The following LRP1 variants were observed in gnomAD, a reference collection of about 807,000 sequenced individuals.
LRP1 encodes prolow-density lipoprotein receptor-related protein 1.
Under a neutral mutation model 541.5 loss-of-function variants are expected in LRP1, and 51 were observed. The observed-to-expected ratio is 0.09, with a 90% CI of 0.08 to 0.12. The LOEUF is 0.12. Among genes scored for constraint, LRP1 ranks in the 10% least tolerant of loss-of-function variants. LRP1 has a pLI of 1.00. For synonymous variants in LRP1, 2,219 were observed against 2,470.8 expected (o/e 0.90, Z 3.02); for missense variants, 3,878 against 6,376.2 (o/e 0.61, Z 13.34).
chr12:57,213,268 G>C lies in LRP1; in HGVS notation c.*713G>C, dbSNP rs886724614. ...AAGCGGGCAGCCCCGTTTTGGGGAC[G>C]TGAACGTTTTAATAATTTTTGCTGA... On this transcript the variant is annotated 3_prime_UTR_variant, in exon 89 of 89. Coordinates refer to ENST00000243077, the MANE Select transcript of LRP1 (RefSeq NM_002332.3). The C allele has an allele frequency of 6.9e-6, 1 of 145,758 alleles. No individual in the cohort carries two copies. Among genetic ancestry groups the C allele is most frequent in the Non-Finnish European group, 1.5e-5 (1 of 67,378 alleles). 9.0% of individuals were successfully genotyped at this position (145,758 alleles called of 1,614,324 possible).
rs762970763 is a variant in LRP1, at chr12:57,180,440, C to T, written c.5347C>T (p.Arg1783Trp). 26 of 1,613,992 alleles carry T rather than the reference C, an allele frequency of 1.6e-5. No individual in the cohort carries two copies. In the East Asian group the frequency reaches 2.0e-4, roughly 12 times the overall value. The change falls in exon 32 of 89, where the codon CGG becomes TGG. Residue 1783 changes from arginine to tryptophan, a missense_variant. Around this residue, in one of 13 missense-constraint regions of LRP1, gnomAD observed 394 missense variants for 635.9 expected, o/e 0.62. Transcript: ENST00000243077. Reference sequence around the variant, plus strand: ...TGGGCTGGAGGTCATCGATGCCATGCGGAGCCAGCTGGGCAAGGCCACCGC... The same window carrying T: ...TGGGCTGGAGGTCATCGATGCCATGTGGAGCCAGCTGGGCAAGGCCACCGC... The part of the protein sequence containing the change: ...GSGLEVIDAM[R>W]SQLGKATALA...
intron 10 of LRP1, 119 bp downstream of exon 10, chr12:57,157,039 A>G: frequency 7.9e-7 from 1 of 1,263,410 alleles, no homozygotes; most frequent in Non-Finnish European, 1.1e-6. Flanking sequence ...AGTGTCCCAG[A>G]GTGTACCTGC....
At position 57,212,246 on chromosome 12, in the gene LRP1, C is replaced by T. The variant is rs757936259; in HGVS notation, c.13479C>T (p.Ala4493=). The T allele has an allele frequency of 8.7e-6, 14 of 1,613,312 alleles. No individual in the cohort carries two copies. The highest frequency in any genetic ancestry group is 1.7e-5 in the Admixed American group (1 of 59,940). The part of the protein sequence containing the change: ...DVGGLLDADF[A]LDPDKPTNFT... ...GAGGCCTACTGGACGCTGACTTTGC[C>T]CTGGACCCTGACAAGGTGGGCTGGG... The change falls in exon 88 of 89, where the codon GCC becomes GCT. Residue 4493 remains alanine, a synonymous_variant. Transcript: ENST00000243077. The surrounding 1 kb of genome is among the most constrained non-coding windows in gnomAD (Gnocchi z 5.0).
chr12:57,156,712 A>G lies in LRP1; in HGVS notation c.1418-65A>G. 1 of 1,512,414 alleles carries G rather than the reference A, an allele frequency of 6.6e-7. No individual in the cohort carries two copies. Among genetic ancestry groups the G allele is most frequent in the Non-Finnish European group, 9.0e-7 (1 of 1,117,126 alleles). 93.7% of individuals were successfully genotyped at this position (1,512,414 alleles called of 1,614,324 possible). A position where few individuals can be genotyped will look rare whatever the true frequency, so the allele number is the denominator to read the frequency against. ...AGCAGGGGGTGTGGTCAGATTCAGG[A>G]AGCCTTCTCAAGGCCTGGCACAGGG... On this transcript the variant is annotated intron_variant, in intron 9 of 88. Transcript: ENST00000243077. This position sits in a 1 kb window ranked among gnomAD's most constrained non-coding sequence, Gnocchi z 5.2.
At chr12:57,149,871 G>A (rs2035493204) in intron 6 of LRP1, 4 of 656,000 alleles carry the variant, frequency 6.1e-6, no homozygotes, top group Admixed American at 2.2e-5. Flanking sequence ...CAGACTCTCC[G>A]CCATCTCTCC....
At chr12:57,144,208 T>G (rs927690181) in intron 4 of LRP1, among the ~76,000 whole-genome samples, 5 of 152,220 alleles carry the variant, frequency 3.3e-5, no homozygotes, top group Non-Finnish European at 5.9e-5. Flanking sequence ...TTGGAAGTAC[T>G]GCTCAAGAGT....
intron 1 of LRP1, among the ~76,000 whole-genome samples, chr12:57,133,250 A>G (rs914817093): frequency 9.7e-5 from 14 of 144,414 alleles, no homozygotes; most frequent in Admixed American, 2.1e-4. Flanking sequence ...ATGCCTGGTG[A>G]GTGATATGGT....
At chr12:57,171,805 G>T (rs189856126) in intron 20 of LRP1, among the ~76,000 whole-genome samples, 2 of 152,206 alleles carry the variant, frequency 1.3e-5, no homozygotes, top group African/African-American at 4.8e-5. Context: ...TGAGTGTGGG[G>T]CTCCACCAGG....
rs918798418 is a variant in LRP1, at chr12:57,212,692, T to C, written c.*137T>C. The C allele has an allele frequency of 7.3e-6, 7 of 958,208 alleles. No homozygotes were observed. The Admixed American group carries it at 1.2e-4, about 16-fold the overall frequency. The allele number at this position is 958,208 out of a possible 1,614,324, so 59.4% of individuals were successfully genotyped here. On this transcript the variant is annotated 3_prime_UTR_variant, in exon 89 of 89. Transcript: ENST00000243077. The surrounding 1 kb of genome is among the most constrained non-coding windows in gnomAD (Gnocchi z 5.0). ...GTAAAAATGAAGGAATTACATTTTA[T>C]ATGTGAGCGAGCAAGCCGGCAAGCG...
In LRP1 at chr12:57,173,704, C is replaced by T. The variant is rs2035987836; in HGVS notation, c.3347-76C>T. On this transcript the variant is annotated intron_variant, in intron 21 of 88. Transcript: ENST00000243077. This position sits in a 1 kb window ranked among gnomAD's most constrained non-coding sequence, Gnocchi z 4.7. The stretch of plus-strand genomic sequence containing the variant: ...GCAATCCTGACCCTATTAGAGAAGC[C>T]CACAGGGTCTGGAAGGAAGGGCAGG... 6.7e-7 allele frequency: 1 copy of T among 1,488,662 alleles called. No individual in the cohort carries two copies. The highest frequency in any genetic ancestry group is 9.4e-7 in the Non-Finnish European group (1 of 1,068,140). The allele number at this position is 1,488,662 out of a possible 1,614,324, so 92.2% of individuals were successfully genotyped here. A position where few individuals can be genotyped will look rare whatever the true frequency, so the allele number is the denominator to read the frequency against.
chr12:57,144,753 C>T (rs149632217), intron 4 of LRP1: 27 of 575,854 alleles, frequency 4.7e-5, no homozygotes, highest in East Asian at 2.6e-4. Flanking sequence ...ATCTTCCCTG[C>T]GTGGATGAGT....
Position 57,187,303 on chromosome 12 carries a change from G to A in LRP1, c.6878G>A (p.Gly2293Asp), listed in dbSNP as rs1296335308. 6.2e-7 allele frequency: 1 copy of A among 1,614,116 alleles called. No individual in the cohort carries two copies. Among genetic ancestry groups the A allele is most frequent in the Non-Finnish European group, 8.5e-7 (1 of 1,179,992 alleles). Residue 2293 changes from glycine to aspartate, a missense_variant, in exon 42 of 89, where the codon GGC becomes GAC. Gly to Asp is a moderately conservative substitution (Grantham distance 94). This residue lies in a region of LRP1 where 1,100 missense variants were observed against 1,827.4 expected (regional missense o/e 0.60). Transcript: ENST00000243077. Reference protein sequence around the residue: ...GSVEGLAYHRGWDTLYWTSYT... With the variant: ...GSVEGLAYHRDWDTLYWTSYT... ...GTGGAAGGCCTGGCCTATCACCGTG[G>A]CTGGGACACTCTCTATTGGACAAGC...
Position 57,143,757 on chromosome 12 carries a change from A to G in LRP1, c.407A>G (p.Asn136Ser), listed in dbSNP as rs2035343652. Residue 136 changes from asparagine (N) to serine (S), a missense_variant, in exon 4 of 89, where the codon AAC becomes AGC. Coordinates refer to ENST00000243077, the MANE Select transcript of LRP1 (RefSeq NM_002332.3). Reference protein sequence around the residue: ...PTLDGPTCYCNSSFQLQADGK... With the variant: ...PTLDGPTCYCSSSFQLQADGK... Reference sequence around the variant, plus strand: ...CTCGATGGGCCCACCTGCTACTGCAACAGCAGCTTTCAGCTTCAGGCAGAT... The same window carrying G: ...CTCGATGGGCCCACCTGCTACTGCAGCAGCAGCTTTCAGCTTCAGGCAGAT... 1 of 1,614,190 alleles carries G rather than the reference A, an allele frequency of 6.2e-7. No individual in the cohort carries two copies. Among genetic ancestry groups the G allele is most frequent in the Non-Finnish European group, 8.5e-7 (1 of 1,180,020 alleles).
In LRP1 at chr12:57,160,978, C is replaced by T. The variant is rs1555182804; in HGVS notation, c.2065C>T (p.Arg689Ter). The change falls in exon 13 of 89, where the codon CGA becomes TGA. Residue 689 changes from arginine to a stop codon, truncating the protein, a stop_gained. Transcript: ENST00000243077. LOFTEE classifies it high-confidence loss of function. ...LERAWMDGSH[R>*]DIFVTSKTVL... ...GAGGGCGTGGATGGATGGCTCACAC[C>T]GAGACATCTTTGTCACCTCCAAGAC... 6.2e-7 allele frequency: 1 copy of T among 1,613,830 alleles called. No individual in the cohort carries two copies. Among genetic ancestry groups the T allele is most frequent in the African/African-American group, 1.3e-5 (1 of 74,900 alleles).
chr12:57,155,942 TC>T, intron 8 of LRP1, 151 bp from the exon 9 acceptor site: 1 of 628,124 alleles, frequency 1.6e-6, no homozygotes, highest in South Asian at 2.0e-5. Context: ...CAGAGTGAGG[TC>T]CCGTCTCAAA....
In LRP1 at chr12:57,204,653, C is replaced by A. The variant is rs748799181; in HGVS notation, c.11098C>A (p.Pro3700Thr). The A allele has an allele frequency of 6.2e-7, 1 of 1,614,012 alleles. No homozygotes were observed. The highest frequency in any genetic ancestry group is 1.7e-5 in the Admixed American group (1 of 60,018). The change falls in exon 72 of 89, where the codon CCC becomes ACC. Residue 3700 changes from proline to threonine, a missense_variant. Transcript: ENST00000243077. This position sits in a 1 kb window ranked among gnomAD's most constrained non-coding sequence, Gnocchi z 5.3. ...CARFVCPPNR[P>T]FRCKNDRVCL... ...CCGGTTCGTGTGCCCTCCCAACCGG[C>A]CCTTCCGTTGCAAGAATGACCGCGT... is the stretch of plus-strand genomic sequence containing the variant.
Position 57,202,409 on chromosome 12 carries a change from T to G in LRP1, c.10595-12T>G. The G allele has an allele frequency of 6.2e-7, 1 of 1,600,698 alleles. No individual in the cohort carries two copies. Among genetic ancestry groups the G allele is most frequent in the South Asian group, 1.1e-5 (1 of 90,788 alleles). On this transcript the variant is annotated splice_polypyrimidine_tract_variant and intron_variant, in intron 67 of 88. Transcript: ENST00000243077. The stretch of plus-strand genomic sequence containing the variant: ...CCCTTTCCCTGACTGCCCTGACACT[T>G]GCCTCCTCCAGATGAACGCACCTGT...
intron 53 of LRP1, 27 bp downstream of exon 53, chr12:57,195,807 G>A (rs1182938311): frequency 1.9e-6 from 3 of 1,614,098 alleles, no homozygotes; most frequent in Admixed American, 3.3e-5. Context: ...GGTGGGAGGA[G>A]GCCCTGCCCT....
At chr12:57,152,663 G>A (rs1242769775) in intron 6 of LRP1, among the ~76,000 whole-genome samples, 1 of 152,192 alleles carries the variant, frequency 6.6e-6, no homozygotes, top group African/African-American at 2.4e-5. Flanking sequence ...ACAGTACTGG[G>A]GGCCCAGAGG....
Sources: allele counts gnomAD v4.1 joint callset (sites outside exome capture counted in the v4.1 genomes callset), GRCh38; gene constraint gnomAD v4.1.1; regional missense constraint gnomAD v4.1.1; non-coding constraint Gnocchi (gnomAD v3.1); transcripts MANE v1.5; gene names NCBI Gene and HGNC (gene_info 2026-07-23, HGNC 2026-07-21).